DOCK10: variants seen among roughly 807,000 people sequenced by gnomAD.
DOCK10 encodes dedicator of cytokinesis protein 10.
A neutral mutation model predicts 280.1 loss-of-function variants in DOCK10; 145 were observed. The ratio of observed to expected loss-of-function variants is 0.52; its 90% CI spans 0.45 to 0.59. DOCK10 has a LOEUF of 0.59. DOCK10 is among the 20% of genes least tolerant of loss of function. DOCK10 has a pLI of 0.00. For missense variants in DOCK10, 2,368 were observed against 2,651.7 expected (o/e 0.89, Z 2.35); for synonymous variants, 915 against 942.2 (o/e 0.97, Z 0.53).
chr2:224,953,430 C>G (rs963380982), intron 1 of DOCK10, among the ~76,000 whole-genome samples: 3 of 152,200 alleles, frequency 2.0e-5, no homozygotes, highest in Non-Finnish European at 4.4e-5. Context: ...AGTGTACACC[C>G]TGCTTAAAGG....
intron 1 of DOCK10, among the ~76,000 whole-genome samples, chr2:224,987,100 A>G (rs909553455): frequency 1.3e-5 from 2 of 152,182 alleles, no homozygotes; most frequent in East Asian, 1.9e-4. Flanking sequence ...TGGTGCGTGG[A>G]GTACATTTTT....
At chr2:224,785,670 T>C (rs111375044) in intron 50 of DOCK10, among the ~76,000 whole-genome samples, 4,308 of 152,062 alleles carry the variant, frequency 0.028, 214 homozygotes, top group African/African-American at 0.094. Context: ...TTAGTAGAGA[T>C]GGGGTTTCAC....
intron 1 of DOCK10, among the ~76,000 whole-genome samples, chr2:225,034,916 ACT>A: frequency 6.6e-6 from 1 of 152,150 alleles, no homozygotes; most frequent in East Asian, 1.9e-4. Flanking sequence ...TAGGGTATGA[ACT>A]CTCACCCTCC....
At chr2:224,849,464 C>T in intron 19 of DOCK10, 43 bp downstream of exon 19, 1 of 1,433,438 alleles carries the variant, frequency 7.0e-7, no homozygotes, top group Non-Finnish European at 9.7e-7. Context: ...ATTTACCCAC[C>T]TTTCTTAGGA....
intron 27 of DOCK10, among the ~76,000 whole-genome samples, chr2:224,824,655 A>T (rs898633719): frequency 4.0e-4 from 61 of 151,856 alleles, no homozygotes; most frequent in African/African-American, 1.4e-3. Context: ...GTTGGTCTTG[A>T]ACTCCTGACC....
At chr2:224,888,675 G>T (rs1329080667) in intron 4 of DOCK10, among the ~76,000 whole-genome samples, 2 of 151,614 alleles carry the variant, frequency 1.3e-5, no homozygotes, top group African/African-American at 2.4e-5. Flanking sequence ...GTATATATGT[G>T]TGAATATATA....
At chr2:224,766,532 C>T (rs1690085747) in intron 55 of DOCK10, among the ~76,000 whole-genome samples, 1 of 152,186 alleles carries the variant, frequency 6.6e-6, no homozygotes, top group Non-Finnish European at 1.5e-5. Context: ...AATAAATTCT[C>T]CTTATGATCA....
At chr2:224,894,357 G>A (rs1046093528) in intron 4 of DOCK10, among the ~76,000 whole-genome samples, 1 of 152,306 alleles carries the variant, frequency 6.6e-6, no homozygotes, top group South Asian at 2.1e-4. Context: ...AGTGTTTGGG[G>A]ATACAGCCAC....
chr2:224,888,653 A>G (rs899378200), intron 4 of DOCK10, among the ~76,000 whole-genome samples: 1 of 151,892 alleles, frequency 6.6e-6, no homozygotes, highest in Non-Finnish European at 1.5e-5. Flanking sequence ...ATGTGAATAT[A>G]TGTGTGTGCA....
chr2:225,030,568 G>T (rs1339867927), intron 1 of DOCK10, among the ~76,000 whole-genome samples: 1 of 152,198 alleles, frequency 6.6e-6, no homozygotes, highest in East Asian at 1.9e-4. Flanking sequence ...AGTGAGGCCT[G>T]CGTGTGCTAC....
chr2:224,924,773 C>T (rs373348616), intron 2 of DOCK10, among the ~76,000 whole-genome samples: 2 of 152,334 alleles, frequency 1.3e-5, no homozygotes, highest in South Asian at 2.1e-4. Flanking sequence ...AACTGTTTCA[C>T]TACAGTACTT....
At chr2:224,815,858 A>G (rs1226569569) in intron 30 of DOCK10, among the ~76,000 whole-genome samples, 1 of 152,122 alleles carries the variant, frequency 6.6e-6, no homozygotes, top group East Asian at 1.9e-4. Flanking sequence ...CAACATGGTG[A>G]AACCTCTTCT....
chr2:225,003,132 G>A (rs1439797026), intron 1 of DOCK10, among the ~76,000 whole-genome samples: 4 of 152,034 alleles, frequency 2.6e-5, no homozygotes, highest in Admixed American at 6.6e-5. Flanking sequence ...CTGCAGCTTC[G>A]ACTTCCTGAG....
Position 224,770,123 on chromosome 2 carries a change from A to C in DOCK10, c.6444+88T>G. The C allele has an allele frequency of 7.3e-7, 1 of 1,374,272 alleles. No homozygotes were observed. 85.1% of individuals were successfully genotyped at this position (1,374,272 alleles called of 1,614,324 possible). On this transcript the variant is annotated intron_variant, in intron 55 of 55. Coordinates refer to ENST00000258390, the MANE Select transcript of DOCK10 (RefSeq NM_014689.3). This position sits in a 1 kb window ranked among gnomAD's most constrained non-coding sequence, Gnocchi z 4.5. ...CTGATGCAGTGATTTCTGCAGCAAGAAAAGGGCCTCTTTCCTGTCCTTCTG... is the reference window on the plus strand; with the variant it reads ...CTGATGCAGTGATTTCTGCAGCAAGCAAAGGGCCTCTTTCCTGTCCTTCTG...
intron 11 of DOCK10, among the ~76,000 whole-genome samples, chr2:224,872,111 C>T (rs1444884307): frequency 6.6e-6 from 1 of 152,174 alleles, no homozygotes; most frequent in African/African-American, 2.4e-5. Context: ...GAATATAAAA[C>T]AGCTTCATTT....
chr2:224,984,044 T>C (rs1273279777), intron 1 of DOCK10, among the ~76,000 whole-genome samples: 2 of 152,188 alleles, frequency 1.3e-5, no homozygotes, highest in Non-Finnish European at 2.9e-5. Context: ...TTTGTGAATG[T>C]GTCTTTTCAA....
chr2:224,967,037 T>C (rs1025096196), intron 1 of DOCK10, among the ~76,000 whole-genome samples: 4 of 151,686 alleles, frequency 2.6e-5, no homozygotes, highest in Admixed American at 6.6e-5. Flanking sequence ...CCATTGTTCA[T>C]GGAATATCAG....
At chr2:224,886,213 GC>G (rs1310307886) in intron 5 of DOCK10, 28 bp from the exon 6 acceptor site, 11 of 1,613,362 alleles carry the variant, frequency 6.8e-6, no homozygotes, top group Non-Finnish European at 9.3e-6. Context: ...TAGCATGACA[GC>G]CATCTTTTGT....
intron 23 of DOCK10, chr2:224,840,303 T>C (rs1013810210): frequency 2.0e-5 from 7 of 354,690 alleles, no homozygotes; most frequent in Non-Finnish European, 3.6e-5. Flanking sequence ...AAACACTCAA[T>C]GGAGTAAAGA....
Sources: gnomAD v4.1 joint callset for allele counts (sites outside exome capture counted in the v4.1 genomes callset) on GRCh38, gnomAD v4.1.1 for gene constraint, Gnocchi (gnomAD v3.1) non-coding constraint, MANE v1.5 for transcripts, NCBI Gene and HGNC (gene_info 2026-07-23, HGNC 2026-07-21) for gene names.